CZIB: variants seen among roughly 807,000 people sequenced by gnomAD.
CZIB encodes UPF0587 protein C1orf123.
A neutral mutation model predicts 28.3 loss-of-function variants in CZIB; 26 were observed. That is an observed-to-expected ratio of 0.92 (90% CI 0.67 to 1.27). CZIB has a LOEUF of 1.27. CZIB is among the 50% of genes most tolerant of loss of function. CZIB has a pLI of 0.00. For missense variants in CZIB, 179 were observed against 197.3 expected (o/e 0.91, Z 0.56); for synonymous variants, 78 against 71.1 (o/e 1.10, Z -0.49).
At chr1:53,220,471 G>C in intron 1 of CZIB, 99 bp downstream of exon 1, 4 of 1,579,956 alleles carry the variant, frequency 2.5e-6, no homozygotes, top group Non-Finnish European at 3.4e-6. Context: ...CTCCTTCAGC[G>C]CGCACCCACT....
At chr1:53,216,348 T>C (rs1444060770) in intron 6 of CZIB, among the ~76,000 whole-genome samples, 2 of 152,206 alleles carry the variant, frequency 1.3e-5, no homozygotes, top group African/African-American at 4.8e-5. Context: ...ATTTCCCAGG[T>C]TGGACCTTAG....
At chr1:53,216,900 T>C in intron 5 of CZIB, 41 bp from the exon 6 acceptor site, 1 of 1,547,520 alleles carries the variant, frequency 6.5e-7, no homozygotes, top group Non-Finnish European at 8.9e-7. Flanking sequence ...CCAAATGAGC[T>C]CTCAGGATGA....
chr1:53,220,404 G>A (rs1485681510), intron 1 of CZIB, 60 bp from the exon 2 acceptor site: 15 of 1,588,842 alleles, frequency 9.4e-6, no homozygotes, highest in Non-Finnish European at 1.3e-5. Context: ...ACGCCTGCCC[G>A]ACCCTCCCGC....
chr1:53,216,980 A>G, intron 5 of CZIB, 121 bp from the exon 6 acceptor site: 1 of 822,712 alleles, frequency 1.2e-6, no homozygotes, highest in Non-Finnish European at 2.1e-6. Flanking sequence ...GAGACCCAGG[A>G]AGAACTCATC....
At position 53,216,110 on chromosome 1, in the gene CZIB, ATAAG is replaced by A. The variant is rs1307056977; in HGVS notation, c.340-58_340-55del. 3.9e-5 allele frequency: 61 copies of A among 1,574,562 alleles called. 1 individual carries two copies. The highest frequency in any genetic ancestry group is 5.2e-5 in the Non-Finnish European group (59 of 1,144,648). On this transcript the variant is annotated intron_variant, in intron 6 of 7. Coordinates refer to ENST00000294360, the MANE Select transcript of CZIB (RefSeq NM_017887.3). ...TCTTGGCAAAAGAAGGCATTGGGCTATAAGTAAGGGCCGGCCAGGCTGCTGGCTC... is the reference window on the plus strand; with the variant it reads ...TCTTGGCAAAAGAAGGCATTGGGCTATAAGGGCCGGCCAGGCTGCTGGCTC...
chr1:53,216,955 C>T, intron 5 of CZIB, 96 bp from the exon 6 acceptor site: 12 of 1,063,514 alleles, frequency 1.1e-5, no homozygotes, highest in African/African-American at 1.6e-5. Context: ...CTTACTGCCC[C>T]TGGAGGCCTA....
chr1:53,216,951 GC>G (rs1645478201), intron 5 of CZIB, 92 bp from the exon 6 acceptor site: 1 of 1,072,712 alleles, frequency 9.3e-7, no homozygotes. Flanking sequence ...GGCACTTACT[GC>G]CCCTGGAGGC....
At chr1:53,218,046 A>C in intron 5 of CZIB, 126 bp downstream of exon 5, 2 of 1,010,070 alleles carry the variant, frequency 2.0e-6, no homozygotes, top group Non-Finnish European at 3.0e-6. Flanking sequence ...TCAAAGAAGA[A>C]CTAAGTTCAT....
At chr1:53,218,375 G>A (rs781510282) in intron 4 of CZIB, 39 bp downstream of exon 4, 2 of 1,608,284 alleles carry the variant, frequency 1.2e-6, no homozygotes, top group African/African-American at 1.3e-5. Context: ...GAAGCTGTGG[G>A]CCACCCTGGC....
At chr1:53,215,009 T>C (rs751732292) in intron 7 of CZIB, among the ~76,000 whole-genome samples, 1 of 152,168 alleles carries the variant, frequency 6.6e-6, no homozygotes, top group African/African-American at 2.4e-5. Flanking sequence ...GGAGTTCATA[T>C]TGAATGTTGA....
chr1:53,215,961 A>T (rs1645469481), intron 7 of CZIB, 30 bp downstream of exon 7: 2 of 1,610,320 alleles, frequency 1.2e-6, no homozygotes. Context: ...GGTGCCCTAC[A>T]GTACCTCCCA....
Position 53,214,447 on chromosome 1 carries a change from C to A in CZIB, c.*212G>T. ...TCTTATTTGTGGAGGGAGTAGCTGC[C>A]TCCTTACTTCACCTTCATGCACCAG... On this transcript the variant is annotated 3_prime_UTR_variant, in exon 8 of 8. Coordinates refer to ENST00000294360, the MANE Select transcript of CZIB (RefSeq NM_017887.3). 1.9e-6 allele frequency: 1 copy of A among 516,912 alleles called. No homozygotes were observed. Among genetic ancestry groups the A allele is most frequent in the Non-Finnish European group, 3.5e-6 (1 of 288,850 alleles). 32.0% of individuals were successfully genotyped at this position (516,912 alleles called of 1,614,324 possible).
Position 53,215,977 on chromosome 1 carries a change from C to CCCAA in CZIB, c.405+10_405+13dup, listed in dbSNP as rs1160861003. The CCCAA allele has an allele frequency of 6.2e-7, 1 of 1,613,786 alleles. No homozygotes were observed. The highest frequency in any genetic ancestry group is 8.5e-7 in the Non-Finnish European group (1 of 1,179,730). ...GTGCCCTACAGTACCTCCCAAAGCC[C>CCCAA]CCAAGTCTCATACCTTCTCCTGCAG... On this transcript the variant is annotated intron_variant, in intron 7 of 7. Transcript: ENST00000294360.
At position 53,214,632 on chromosome 1, in the gene CZIB, T is replaced by C; in HGVS notation, c.*27A>G. On this transcript the variant is annotated 3_prime_UTR_variant, in exon 8 of 8. Transcript: ENST00000294360. Reference sequence around the variant, plus strand: ...AGAGTACTTTGTCCTTTCTCAGTTCTTAAGGGCAACTGGGAAGGAAGAGGG... The same window carrying C: ...AGAGTACTTTGTCCTTTCTCAGTTCCTAAGGGCAACTGGGAAGGAAGAGGG... 1 of 1,606,174 alleles carries C rather than the reference T, an allele frequency of 6.2e-7. No individual in the cohort carries two copies. The highest frequency in any genetic ancestry group is 2.2e-5 in the East Asian group (1 of 44,848).
intron 2 of CZIB, 181 bp downstream of exon 2, chr1:53,220,080 C>G (rs905553491): frequency 3.4e-6 from 2 of 594,396 alleles, no homozygotes; most frequent in South Asian, 2.2e-5. Flanking sequence ...CTTTCCAAGA[C>G]TGCCAATTAG....
Position 53,218,372 on chromosome 1 carries a change from T to C in CZIB, c.229+42A>G, listed in dbSNP as rs1645487558. 3 of 1,607,418 alleles carry C rather than the reference T, an allele frequency of 1.9e-6. No individual in the cohort carries two copies. In the African/African-American group the frequency reaches 4.0e-5, roughly 21 times the overall value. On this transcript the variant is annotated intron_variant, in intron 4 of 7. Transcript: ENST00000294360. ...CTTTCAGCCTGGTGCCAGGAAGCTG[T>C]GGGCCACCCTGGCAGAACTCAGTAC...
chr1:53,216,168 G>T (rs1225073086), intron 6 of CZIB, 112 bp from the exon 7 acceptor site: 3 of 936,924 alleles, frequency 3.2e-6, no homozygotes, highest in Non-Finnish European at 5.1e-6. Flanking sequence ...GGAGGACAGA[G>T]ATGCAGTATG....
intron 4 of CZIB, 103 bp from the exon 5 acceptor site, chr1:53,218,306 GCATC>G (rs1645487122): frequency 1.3e-6 from 2 of 1,572,666 alleles, no homozygotes; most frequent in Admixed American, 3.4e-5. Flanking sequence ...ACAGGTGTCG[GCATC>G]TTAGGCCTGA....
Position 53,214,681 on chromosome 1 carries a change from G to A in CZIB, c.461C>T (p.Thr154Ile). 1 of 1,614,116 alleles carries A rather than the reference G, an allele frequency of 6.2e-7. No individual in the cohort carries two copies. The highest frequency in any genetic ancestry group is 8.5e-7 in the Non-Finnish European group (1 of 1,180,032). The change falls in exon 8 of 8, where the codon ACC becomes ATC. Residue 154 changes from threonine (T) to isoleucine (I), a missense_variant. Coordinates refer to ENST00000294360, the MANE Select transcript of CZIB (RefSeq NM_017887.3). ...AQESVGIYEV[T>I]HQFVKC ...GGATCAGCACTTCACAAACTGGTGG[G>A]TGACCTCATAGATTCCCACAGACTC...
Sources: allele counts gnomAD v4.1 joint callset (sites outside exome capture counted in the v4.1 genomes callset), GRCh38; gene constraint gnomAD v4.1.1; transcripts MANE v1.5; gene names NCBI Gene and HGNC (gene_info 2026-07-23, HGNC 2026-07-21).